SAMSN1: variants seen among roughly 807,000 people sequenced by gnomAD.
The protein encoded by SAMSN1 is SAM domain-containing protein SAMSN-1.
In SAMSN1, 31 loss-of-function variants were observed where a neutral mutation model predicts 42.0. That is an observed-to-expected ratio of 0.74 (90% CI 0.55 to 1.00). SAMSN1 has a LOEUF of 1.00. Among genes scored for constraint, SAMSN1 ranks in the 50% least tolerant of loss-of-function variants. The probability of loss-of-function intolerance (pLI) is 0.00; values close to 1 mark genes in which losing one functional copy is unlikely to be tolerated. For synonymous variants in SAMSN1, 178 were observed against 151.9 expected (o/e 1.17, Z -1.26); for missense variants, 464 against 439.4 (o/e 1.06, Z -0.50).
upstream of SAMSN1, among the ~76,000 whole-genome samples, chr21:14,588,092 CT>C (rs1467720499): frequency 7.1e-6 from 1 of 141,068 alleles, no homozygotes; most frequent in Non-Finnish European, 1.5e-5. Flanking sequence ...TTTTTTATGG[CT>C]GCATAGTATT....
chr21:14,623,347 C>A (rs773346676), intron 2 of SAMSN1, among the ~76,000 whole-genome samples: 4 of 152,014 alleles, frequency 2.6e-5, no homozygotes, highest in Non-Finnish European at 5.9e-5. Flanking sequence ...GAGTCAAGAC[C>A]CATCAGCGTC....
At chr21:14,578,125 T>G (rs1459992444) in intron 2 of SAMSN1, among the ~76,000 whole-genome samples, 3 of 152,180 alleles carry the variant, frequency 2.0e-5, no homozygotes, top group Non-Finnish European at 4.4e-5. Context: ...CCAACACTAT[T>G]TCACTAAATT....
intron 1 of SAMSN1, among the ~76,000 whole-genome samples, chr21:14,536,945 G>T (rs896151064): frequency 6.6e-6 from 1 of 152,150 alleles, no homozygotes; most frequent in African/African-American, 2.4e-5. Flanking sequence ...CAACTGGGCC[G>T]TTCCTTTGTC....
At chr21:14,581,340 ATTTCTTTTTTT>A (rs1981713732) in intron 2 of SAMSN1, among the ~76,000 whole-genome samples, 3 of 22,536 alleles carry the variant, frequency 1.3e-4, no homozygotes, top group African/African-American at 2.5e-4. Context: ...GGGAAATAAT[ATTTCTTTTTTT>A]TTTTTTTTTT....
intron 2 of SAMSN1, among the ~76,000 whole-genome samples, chr21:14,622,287 G>A (rs912566322): frequency 1.3e-5 from 2 of 152,246 alleles, no homozygotes; most frequent in Non-Finnish European, 2.9e-5. Flanking sequence ...ACTTTGACAA[G>A]TTGAGAGAAG....
intron 1 of SAMSN1, among the ~76,000 whole-genome samples, chr21:14,644,251 C>G (rs1342162452): frequency 1.3e-5 from 2 of 152,020 alleles, no homozygotes; most frequent in Non-Finnish European, 2.9e-5. Flanking sequence ...CTTGAGGCTC[C>G]AAAAGAGACC....
chr21:14,607,735 T>TAACAA (rs1205927579), intron 5 of SAMSN1, among the ~76,000 whole-genome samples: 8 of 152,134 alleles, frequency 5.3e-5, no homozygotes, highest in Non-Finnish European at 1.2e-4. Context: ...ATTCCCAAAT[T>TAACAA]AACAAAACAA....
chr21:14,516,846 G>A (rs1987940192), intron 3 of SAMSN1, 46 bp downstream of exon 3: 2 of 1,511,254 alleles, frequency 1.3e-6, no homozygotes, highest in East Asian at 4.5e-5. Flanking sequence ...AATAGTTTAA[G>A]AAAGTTTTAG....
intron 2 of SAMSN1, among the ~76,000 whole-genome samples, chr21:14,575,122 G>A (rs1197610024): frequency 6.6e-6 from 1 of 152,062 alleles, no homozygotes; most frequent in East Asian, 1.9e-4. Flanking sequence ...TGGCTTAGGA[G>A]GCACCTTACG....
chr21:14,520,966 G>A (rs1978426704), intron 2 of SAMSN1, among the ~76,000 whole-genome samples, 184 bp downstream of exon 2: 1 of 151,906 alleles, frequency 6.6e-6, no homozygotes, highest in Non-Finnish European at 1.5e-5. Flanking sequence ...CGTGTGACAA[G>A]AACCCATTGC....
At chr21:14,526,024 C>T (rs765718537) in intron 1 of SAMSN1, among the ~76,000 whole-genome samples, 7 of 152,006 alleles carry the variant, frequency 4.6e-5, no homozygotes, top group Non-Finnish European at 7.4e-5. Flanking sequence ...CACCCCCACG[C>T]CCAGCTAATT....
At chr21:14,504,365 C>G (rs568240109) in intron 5 of SAMSN1, among the ~76,000 whole-genome samples, 3 of 151,972 alleles carry the variant, frequency 2.0e-5, no homozygotes, top group African/African-American at 7.3e-5. Context: ...CGATCCAAGA[C>G]GTGAAGGGAG....
At chr21:14,584,686 CAG>C (rs1981863345), upstream of SAMSN1, among the ~76,000 whole-genome samples, 1 of 152,188 alleles carries the variant, frequency 6.6e-6, no homozygotes, top group Non-Finnish European at 1.5e-5. Flanking sequence ...GTTCTAGACT[CAG>C]AAATATTTCT....
intron 3 of SAMSN1, among the ~76,000 whole-genome samples, chr21:14,513,804 T>C (rs1600880378): frequency 6.6e-6 from 1 of 152,132 alleles, no homozygotes; most frequent in Non-Finnish European, 1.5e-5. Context: ...AACAGCAAAA[T>C]AATTGAACTC....
chr21:14,592,389 A>G (rs1982113345), intron 7 of SAMSN1: 1 of 153,518 alleles, frequency 6.5e-6, no homozygotes, highest in South Asian at 1.9e-4. Flanking sequence ...TATTTCATAT[A>G]CACAAGAAAT....
At chr21:14,595,260 T>C (rs1225423823) in intron 6 of SAMSN1, among the ~76,000 whole-genome samples, 5 of 152,008 alleles carry the variant, frequency 3.3e-5, no homozygotes, top group Non-Finnish European at 7.4e-5. Flanking sequence ...GAGGTGGGGC[T>C]TTTGCGGAAG....
chr21:14,533,726 T>A (rs932085845), intron 1 of SAMSN1, among the ~76,000 whole-genome samples: 4 of 152,104 alleles, frequency 2.6e-5, no homozygotes, highest in Non-Finnish European at 5.9e-5. Context: ...CCAAGAAAAA[T>A]GCATATTCAT....
At chr21:14,491,754 C>T (rs1434085058) in intron 7 of SAMSN1, among the ~76,000 whole-genome samples, 13 of 152,110 alleles carry the variant, frequency 8.5e-5, no homozygotes, top group Admixed American at 7.9e-4. Context: ...TGATTTTCTC[C>T]TGTTGGTCTG....
rs181311810 is a variant in SAMSN1, at chr21:14,512,295, C to T, written c.409+149G>A. ...ATATTATGTATTATTTAAACAATAG[C>T]AACTCTATATAGATTTAATATATCT... On this transcript the variant is annotated intron_variant, in intron 4 of 7. Coordinates refer to ENST00000400566, the MANE Select transcript of SAMSN1 (RefSeq NM_022136.5). 4.8e-5 allele frequency: 38 copies of T among 791,640 alleles called. No individual in the cohort carries two copies. The African/African-American group carries it at 6.4e-4, about 13-fold the overall frequency. 49.0% of individuals were successfully genotyped at this position (791,640 alleles called of 1,614,324 possible). A position where few individuals can be genotyped will look rare whatever the true frequency, so the allele number is the denominator to read the frequency against.
Sources: gnomAD v4.1 joint callset for allele counts (sites outside exome capture counted in the v4.1 genomes callset) on GRCh38, gnomAD v4.1.1 for gene constraint, MANE v1.5 for transcripts, NCBI Gene and HGNC (gene_info 2026-07-23, HGNC 2026-07-21) for gene names.